The following SNX30 variants were observed in gnomAD, a reference collection of about 807,000 sequenced individuals.
SNX30 encodes the protein sorting nexin-30.
A neutral mutation model predicts 46.4 loss-of-function variants in SNX30; 24 were observed. The ratio of observed to expected loss-of-function variants is 0.52; its 90% confidence interval spans 0.37 to 0.73. The LOEUF is 0.73. SNX30 is among the 30% of genes least tolerant of loss of function. The pLI is 0.00. For missense variants in SNX30, 533 were observed against 555.7 expected (o/e 0.96, Z 0.41); for synonymous variants, 189 against 211.5 (o/e 0.89, Z 0.92).
chr9:112,790,640 A>G (rs1382417957), intron 1 of SNX30, among the ~76,000 whole-genome samples: 1 of 152,224 alleles, frequency 6.6e-6, no homozygotes, highest in East Asian at 1.9e-4. Flanking sequence ...GTGGGAAGTC[A>G]CTTGGCAATA....
At chr9:112,807,452 A>T (rs1840247422) in intron 2 of SNX30, among the ~76,000 whole-genome samples, 2 of 152,070 alleles carry the variant, frequency 1.3e-5, no homozygotes, top group Non-Finnish European at 2.9e-5. Flanking sequence ...ACCCCACTAC[A>T]CCACTGGGCA....
chr9:112,760,305 A>G (rs909381216), intron 1 of SNX30, among the ~76,000 whole-genome samples: 1 of 152,110 alleles, frequency 6.6e-6, no homozygotes, highest in Non-Finnish European at 1.5e-5. Context: ...CCTGGAGGGG[A>G]GGCAGCCGCT....
intron 2 of SNX30, 35 bp from the exon 3 acceptor site, chr9:112,817,670 C>T (rs751822801): frequency 1.6e-6 from 2 of 1,269,046 alleles, no homozygotes. Context: ...ATGCTATTCC[C>T]TTATGCTTAT....
chr9:112,815,782 T>C (rs550302535), intron 2 of SNX30, among the ~76,000 whole-genome samples: 1 of 152,342 alleles, frequency 6.6e-6, no homozygotes, highest in Non-Finnish European at 1.5e-5. Flanking sequence ...CCCTTAATCA[T>C]TGGCAAGTTC....
chr9:112,775,377 C>T (rs1305036829), intron 1 of SNX30, among the ~76,000 whole-genome samples: 3 of 151,706 alleles, frequency 2.0e-5, no homozygotes, highest in African/African-American at 7.3e-5. Flanking sequence ...CTGGTCTCGA[C>T]CTCCCGACCT....
chr9:112,794,117 A>G (rs1445031968), intron 1 of SNX30, among the ~76,000 whole-genome samples: 2 of 152,130 alleles, frequency 1.3e-5, no homozygotes, highest in African/African-American at 4.8e-5. Flanking sequence ...ATCAACAATC[A>G]AGAATATTCA....
chr9:112,789,751 G>T (rs1454867941), intron 1 of SNX30, among the ~76,000 whole-genome samples: 1 of 152,182 alleles, frequency 6.6e-6, no homozygotes, highest in Non-Finnish European at 1.5e-5. Context: ...AAGGAATGTG[G>T]ACCTGGATTC....
chr9:112,859,582 A>G (rs1841195589), intron 7 of SNX30, among the ~76,000 whole-genome samples: 1 of 152,196 alleles, frequency 6.6e-6, no homozygotes, highest in African/African-American at 2.4e-5. Flanking sequence ...AACAATGTAC[A>G]AGGGTTCTAG....
chr9:112,818,199 CTTTTTTT>C (rs10574279), intron 3 of SNX30, among the ~76,000 whole-genome samples: 3 of 114,402 alleles, frequency 2.6e-5, no homozygotes. Flanking sequence ...AAATTTAAAT[CTTTTTTT>C]TTTTTTTTTT....
chr9:112,823,990 C>T (rs983189213), intron 3 of SNX30, among the ~76,000 whole-genome samples: 2 of 152,000 alleles, frequency 1.3e-5, no homozygotes, highest in African/African-American at 4.8e-5. Context: ...TCTATTAGTT[C>T]GACAAGGGTA....
In SNX30 at chr9:112,752,794, C is replaced by A. The variant is rs537890887; in HGVS notation, c.156+1637C>A. 2.6e-5 allele frequency among the ~76,000 whole-genome samples: 4 copies of A among 152,322 alleles called. No homozygotes were observed. The South Asian group carries it at 8.3e-4, about 32-fold the overall frequency. ...CTGGAAATAGTGTCTGTGGGACAAT[C>A]TGAGTGGTTCTGAATTAGGCCTTTC... On this transcript the variant is annotated intron_variant, in intron 1 of 8. Coordinates refer to ENST00000374232, the MANE Select transcript of SNX30 (RefSeq NM_001012994.2).
At position 112,869,140 on chromosome 9, in the gene SNX30, G is replaced by GA. The variant is rs1278035124; in HGVS notation, c.*297_*298insA. On this transcript the variant is annotated 3_prime_UTR_variant, in exon 9 of 9. Transcript: ENST00000374232. Reference sequence around the variant, plus strand: ...TTGAAACCAAGGGACAAGACAACCTGCAGCTGACGCTCTGACATTTCATGA... The same window carrying GA: ...TTGAAACCAAGGGACAAGACAACCTGACAGCTGACGCTCTGACATTTCATGA... 391 of 337,420 alleles carry GA rather than the reference G, an allele frequency of 1.2e-3. 4 individuals carry two copies. The highest frequency in any genetic ancestry group is 7.6e-3 in the African/African-American group (370 of 48,596). 20.9% of individuals were successfully genotyped at this position (337,420 alleles called of 1,614,324 possible). A position where few individuals can be genotyped will look rare whatever the true frequency, so the allele number is the denominator to read the frequency against.
In SNX30 at chr9:112,865,657, A is replaced by ATGTGTGTGTGTGTGTGTGTGTGTGTGTG. The variant is rs1399648106; in HGVS notation, c.1254+1259_1254+1260insGTGTGTGTGTGTGTGTGTGTGTGTGTGT. Among the ~76,000 whole-genome samples, 6 of 81,414 alleles carry ATGTGTGTGTGTGTGTGTGTGTGTGTGTG rather than the reference A, an allele frequency of 7.4e-5. 1 individual carries two copies. The East Asian group carries it at 1.2e-3, about 16-fold the overall frequency. The allele number at this position is 81,414 out of a possible 152,430, so 53.4% of individuals were successfully genotyped here. On this transcript the variant is annotated intron_variant, in intron 8 of 8. Coordinates refer to ENST00000374232, the MANE Select transcript of SNX30 (RefSeq NM_001012994.2). ...TATATATATATATATATATATATAT[A>ATGTGTGTGTGTGTGTGTGTGTGTGTGTG]TATATGTATGTATGTATGCACACAC...
chr9:112,864,210 T>G, intron 7 of SNX30, 37 bp from the exon 8 acceptor site: 1 of 1,610,250 alleles, frequency 6.2e-7, no homozygotes, highest in Non-Finnish European at 8.5e-7. Flanking sequence ...ATGCCAGTTT[T>G]GTGTGCAGGG....
chr9:112,769,344 T>C (rs1483718840), intron 1 of SNX30, among the ~76,000 whole-genome samples: 1 of 152,186 alleles, frequency 6.6e-6, no homozygotes, highest in Non-Finnish European at 1.5e-5. Context: ...TCCTGGGCTG[T>C]GGGGCTGGCA....
chr9:112,807,486 T>G (rs954436602), intron 2 of SNX30, among the ~76,000 whole-genome samples: 1 of 152,218 alleles, frequency 6.6e-6, no homozygotes, highest in Non-Finnish European at 1.5e-5. Flanking sequence ...TTGGGCTAGA[T>G]GCTTACATAT....
intron 1 of SNX30, among the ~76,000 whole-genome samples, chr9:112,804,443 G>A (rs1164256553): frequency 6.6e-6 from 1 of 152,236 alleles, no homozygotes; most frequent in Non-Finnish European, 1.5e-5. Flanking sequence ...GGGATTACAG[G>A]CGTGAGCCAC....
chr9:112,884,998 A>T (rs1456154160), downstream of SNX30, among the ~76,000 whole-genome samples: 2 of 152,212 alleles, frequency 1.3e-5, no homozygotes, highest in African/African-American at 2.4e-5. Context: ...GCCAGGACTC[A>T]TACGAAAACA....
chr9:112,859,971 G>C (rs1170437244), intron 7 of SNX30, among the ~76,000 whole-genome samples: 1 of 150,680 alleles, frequency 6.6e-6, no homozygotes, highest in Non-Finnish European at 1.5e-5. Context: ...TTTTGAGATG[G>C]AGTCTCGCTC....
Sources: gnomAD v4.1 joint callset for allele counts (sites outside exome capture counted in the v4.1 genomes callset) on GRCh38, gnomAD v4.1.1 for gene constraint, MANE v1.5 for transcripts, NCBI Gene and HGNC (gene_info 2026-07-23, HGNC 2026-07-21) for gene names.